Variants in LRP1B observed in about 807,000 individuals in gnomAD.
LRP1B encodes the protein LDL receptor related protein 1B, also known as low-density lipoprotein receptor-related protein 1B.
LRP1B carries 217 observed loss-of-function variants against 556.6 expected under a neutral mutation model. The ratio of observed to expected loss-of-function variants is 0.39; its 90% CI spans 0.35 to 0.44. LRP1B has a LOEUF of 0.44. Among genes scored for constraint, LRP1B ranks in the 20% least tolerant of loss-of-function variants. The pLI is 1.00. For synonymous variants in LRP1B, 2,047 were observed against 1,865.8 expected (o/e 1.10, Z -2.50); for missense variants, 5,053 against 5,620.8 (o/e 0.90, Z 3.23).
intron 2 of LRP1B, among the ~76,000 whole-genome samples, chr2:141,501,762 G>A: frequency 6.6e-6 from 1 of 152,104 alleles, no homozygotes; most frequent in East Asian, 1.9e-4. Flanking sequence ...GACATAGAAA[G>A]TTACAATTTT....
chr2:142,049,647 A>G (rs899674427), intron 1 of LRP1B, among the ~76,000 whole-genome samples: 3 of 151,944 alleles, frequency 2.0e-5, no homozygotes, highest in Non-Finnish European at 4.4e-5. Context: ...TGACTGCCCA[A>G]TTGTCTTTAA....
chr2:141,146,366 T>C (rs980324848), intron 7 of LRP1B, among the ~76,000 whole-genome samples: 5 of 152,188 alleles, frequency 3.3e-5, no homozygotes, highest in Non-Finnish European at 7.3e-5. Context: ...GGGAAATCTG[T>C]TTTCTTAAAT....
chr2:141,479,790 G>A (rs891798312), intron 3 of LRP1B, among the ~76,000 whole-genome samples: 9 of 151,976 alleles, frequency 5.9e-5, no homozygotes, highest in African/African-American at 1.5e-4. Flanking sequence ...AGTGCCAGTA[G>A]CATTTAACTT....
chr2:141,867,499 G>C (rs1054482871), intron 1 of LRP1B, among the ~76,000 whole-genome samples: 2 of 152,118 alleles, frequency 1.3e-5, no homozygotes, highest in African/African-American at 4.8e-5. Context: ...AGCACTCTTT[G>C]AGATCTTACA....
At chr2:141,309,371 A>C (rs888844994) in intron 3 of LRP1B, among the ~76,000 whole-genome samples, 4 of 152,214 alleles carry the variant, frequency 2.6e-5, no homozygotes, top group Non-Finnish European at 5.9e-5. Flanking sequence ...AACGGAAAAG[A>C]GATTGAAGTG....
chr2:142,005,402 T>C (rs537571379), intron 1 of LRP1B, among the ~76,000 whole-genome samples: 4 of 152,276 alleles, frequency 2.6e-5, no homozygotes, highest in Admixed American at 2.6e-4. Flanking sequence ...CAGTTTTCTC[T>C]GAAGCCCTAT....
intron 83 of LRP1B, among the ~76,000 whole-genome samples, chr2:140,305,966 C>A (rs557962261): frequency 3.3e-5 from 5 of 151,198 alleles, no homozygotes; most frequent in Non-Finnish European, 7.4e-5. Context: ...TATTGATTTG[C>A]GTATGTTAAA....
At chr2:140,900,973 T>C (rs1388170691) in intron 23 of LRP1B, among the ~76,000 whole-genome samples, 1 of 152,148 alleles carries the variant, frequency 6.6e-6, no homozygotes, top group African/African-American at 2.4e-5. Context: ...TCATAATATA[T>C]GGGTTCTTAT....
intron 35 of LRP1B, among the ~76,000 whole-genome samples, chr2:140,717,222 A>C (rs1191999653): frequency 6.6e-6 from 1 of 152,054 alleles, no homozygotes; most frequent in East Asian, 1.9e-4. Flanking sequence ...ATTAAAATGA[A>C]TACTACTAGG....
At position 141,270,774 on chromosome 2, in the gene LRP1B, G is replaced by A. The variant is rs115693488; in HGVS notation, c.344-16133C>T. 5.8e-3 allele frequency among the ~76,000 whole-genome samples: 877 copies of A among 152,084 alleles called. 9 individuals are homozygous for A. The highest frequency in any genetic ancestry group is 0.02 in the African/African-American group (827 of 41,532). ...ACAAAGTAGAATGGTGGGTGCCAGA[G>A]GGTAGGGGAAACAAGAAACAAGAAT... is the stretch of plus-strand genomic sequence containing the variant. On this transcript the variant is annotated intron_variant, in intron 3 of 90. Transcript: ENST00000389484.
intron 45 of LRP1B, among the ~76,000 whole-genome samples, chr2:140,538,543 T>C (rs1680014649): frequency 6.9e-6 from 1 of 145,470 alleles, no homozygotes; most frequent in Admixed American, 7.0e-5. Flanking sequence ...CTCTCGATGA[T>C]AACAACATGT....
rs371414967 is a variant in LRP1B, at chr2:141,335,290, G to A, written c.344-80649C>T. On this transcript the variant is annotated intron_variant, in intron 3 of 90. Coordinates refer to ENST00000389484, the MANE Select transcript of LRP1B (RefSeq NM_018557.3). ...AGAAGATGGAACAATACTGTTACAT[G>A]AGAAAAAAGAGTTCAGTTATTCTGA... Among the ~76,000 whole-genome samples the A allele has an allele frequency of 3.9e-5, 6 of 152,220 alleles. No homozygotes were observed. In the East Asian group the frequency reaches 1.2e-3, roughly 29 times the overall value.
chr2:140,930,419 G>A (rs1695016040), intron 20 of LRP1B, among the ~76,000 whole-genome samples: 1 of 151,906 alleles, frequency 6.6e-6, no homozygotes, highest in Non-Finnish European at 1.5e-5. Context: ...AATATTTATA[G>A]TTAGAAGACT....
intron 21 of LRP1B, among the ~76,000 whole-genome samples, chr2:140,911,779 T>C (rs1366941839): frequency 6.6e-6 from 1 of 151,508 alleles, no homozygotes; most frequent in African/African-American, 2.4e-5. Flanking sequence ...ACTTCCTTTT[T>C]TTGTTTGTTT....
intron 3 of LRP1B, among the ~76,000 whole-genome samples, chr2:141,435,309 C>T (rs1005245616): frequency 6.6e-6 from 1 of 152,120 alleles, no homozygotes; most frequent in South Asian, 2.1e-4. Context: ...TCTGATTGCT[C>T]CTGAGTGTAA....
At chr2:140,358,235 T>C in intron 73 of LRP1B, 119 bp from the exon 74 acceptor site, 1 of 973,470 alleles carries the variant, frequency 1.0e-6, no homozygotes, top group Admixed American at 2.5e-5. Context: ...CAATCCTTTA[T>C]CTGAAGCTCT....
At position 141,708,635 on chromosome 2, in the gene LRP1B, T is replaced by G. The variant is rs561417530; in HGVS notation, c.205+101644A>C. ...TAATGACTCTTCATTATAGTCTTAA[T>G]GACCACCTGTGATGAACTGAATTGT... is the stretch of plus-strand genomic sequence containing the variant. On this transcript the variant is annotated intron_variant, in intron 2 of 90. Transcript: ENST00000389484. 3.9e-5 allele frequency among the ~76,000 whole-genome samples: 6 copies of G among 152,288 alleles called. No homozygotes were observed. The South Asian group carries it at 8.3e-4, about 21-fold the overall frequency.
chr2:142,083,618 T>C lies in LRP1B; in HGVS notation c.82+47030A>G, dbSNP rs563456040. Among the ~76,000 whole-genome samples the C allele has an allele frequency of 6.3e-4, 96 of 152,374 alleles. 1 individual carries two copies. Among genetic ancestry groups the C allele is most frequent in the Non-Finnish European group, 1.1e-3 (77 of 68,036 alleles). On this transcript the variant is annotated intron_variant, in intron 1 of 90. Transcript: ENST00000389484. Reference sequence around the variant, plus strand: ...AGATGGAGCTATAGTATATATTTAGTTCTTCTAAACTGTAATTAATTTCCT... The same window carrying C: ...AGATGGAGCTATAGTATATATTTAGCTCTTCTAAACTGTAATTAATTTCCT...
chr2:140,406,736 A>T (rs1346041772), intron 66 of LRP1B, among the ~76,000 whole-genome samples: 1 of 152,186 alleles, frequency 6.6e-6, no homozygotes, highest in Non-Finnish European at 1.5e-5. Context: ...ATGGATGGAA[A>T]GAATGAATGT....
Sources: gnomAD v4.1 joint callset for allele counts (sites outside exome capture counted in the v4.1 genomes callset) on GRCh38, gnomAD v4.1.1 for gene constraint, MANE v1.5 for transcripts, NCBI Gene and HGNC (gene_info 2026-07-23, HGNC 2026-07-21) for gene names.